Variants in SORCS3 observed in about 807,000 individuals in gnomAD.
SORCS3 encodes sortilin related VPS10 domain containing receptor 3, also known as VPS10 domain-containing receptor SorCS3.
In SORCS3, 57 loss-of-function variants were observed where a neutral mutation model predicts 146.3. The ratio of observed to expected loss-of-function variants is 0.39; its 90% CI spans 0.31 to 0.49. The LOEUF is 0.49. Ranked by LOEUF, SORCS3 falls within the 20% of genes least tolerant of loss-of-function variation. SORCS3 has a pLI of 0.92. For synonymous variants in SORCS3, 653 were observed against 618.5 expected (o/e 1.06, Z -0.83); for missense variants, 1,341 against 1,575.5 (o/e 0.85, Z 2.52).
chr10:104,983,777 C>T (rs2054945606), intron 4 of SORCS3, among the ~76,000 whole-genome samples: 1 of 151,958 alleles, frequency 6.6e-6, no homozygotes, highest in Admixed American at 6.6e-5. Context: ...GTCCCTATGA[C>T]CTTAAGCTCT....
intron 1 of SORCS3, among the ~76,000 whole-genome samples, chr10:104,690,438 A>G (rs1468067467): frequency 6.6e-6 from 1 of 152,214 alleles, no homozygotes; most frequent in Admixed American, 6.5e-5. Context: ...CATACTTTAC[A>G]GATGAGGAGA....
intron 1 of SORCS3, among the ~76,000 whole-genome samples, chr10:104,724,947 T>G (rs1045217613): frequency 2.0e-5 from 3 of 152,228 alleles, no homozygotes; most frequent in African/African-American, 7.2e-5. Flanking sequence ...CGGAGTAGTT[T>G]GATAATCTGA....
chr10:104,717,840 G>A (rs560943694), intron 1 of SORCS3, among the ~76,000 whole-genome samples: 53 of 151,944 alleles, frequency 3.5e-4, no homozygotes, highest in Non-Finnish European at 5.6e-4. Context: ...TTATAAATAA[G>A]CAAAAAAAAG....
At chr10:104,748,939 GAATCCAGTT>G (rs971314372) in intron 1 of SORCS3, among the ~76,000 whole-genome samples, 2 of 152,144 alleles carry the variant, frequency 1.3e-5, no homozygotes, top group Non-Finnish European at 2.9e-5. Context: ...CCAGAAGAGG[GAATCCAGTT>G]TTCCCAGCTG....
intron 14 of SORCS3, among the ~76,000 whole-genome samples, chr10:105,182,321 G>A (rs1398314576): frequency 6.9e-6 from 1 of 144,824 alleles, no homozygotes; most frequent in East Asian, 2.1e-4. Flanking sequence ...AACTCTGGAA[G>A]GTAGATAGGA....
intron 5 of SORCS3, among the ~76,000 whole-genome samples, chr10:105,045,403 C>G (rs534052838): frequency 6.6e-6 from 1 of 152,192 alleles, no homozygotes; most frequent in South Asian, 2.1e-4. Context: ...GCTGAATAGT[C>G]AAGTGGTAGT....
At chr10:104,923,981 A>T (rs998281976) in intron 3 of SORCS3, among the ~76,000 whole-genome samples, 1 of 152,226 alleles carries the variant, frequency 6.6e-6, no homozygotes, top group Non-Finnish European at 1.5e-5. Context: ...TAACTCATTT[A>T]ATACTTCAAC....
Position 104,763,363 on chromosome 10 carries a change from T to A in SORCS3, c.628-79429T>A, listed in dbSNP as rs1015762347. 7.2e-5 allele frequency among the ~76,000 whole-genome samples: 11 copies of A among 152,234 alleles called. No homozygotes were observed. In the East Asian group the frequency reaches 9.6e-4, roughly 13 times the overall value. On this transcript the variant is annotated intron_variant, in intron 1 of 26. Coordinates refer to ENST00000369701, the MANE Select transcript of SORCS3 (RefSeq NM_014978.3). ...GTACATTTTCATGAAGCAAGCTATT[T>A]TTTCCTCTTTGTGAGAAGATTTAGT...
intron 4 of SORCS3, among the ~76,000 whole-genome samples, chr10:104,997,276 G>A (rs1444532323): frequency 2.6e-5 from 4 of 152,130 alleles, no homozygotes; most frequent in Admixed American, 2.6e-4. Flanking sequence ...AAGTAACAAA[G>A]GCTATTTCAG....
chr10:104,721,414 G>A (rs2016546469), intron 1 of SORCS3, among the ~76,000 whole-genome samples: 1 of 152,218 alleles, frequency 6.6e-6, no homozygotes, highest in South Asian at 2.1e-4. Context: ...GTAGCCTGAT[G>A]CGACCGGCTT....
intron 1 of SORCS3, among the ~76,000 whole-genome samples, chr10:104,654,358 T>C (rs2015599151): frequency 6.6e-6 from 1 of 152,232 alleles, no homozygotes; most frequent in African/African-American, 2.4e-5. Context: ...CCTCTATTTT[T>C]AGTTTTTTGA....
intron 4 of SORCS3, among the ~76,000 whole-genome samples, chr10:104,987,588 T>C (rs1458127528): frequency 6.6e-6 from 1 of 152,162 alleles, no homozygotes; most frequent in East Asian, 1.9e-4. Flanking sequence ...TCTCTTTTCT[T>C]CAGCGTTTTT....
chr10:104,994,560 A>G (rs2055012391), intron 4 of SORCS3, among the ~76,000 whole-genome samples: 1 of 152,200 alleles, frequency 6.6e-6, no homozygotes, highest in Non-Finnish European at 1.5e-5. Context: ...CAAATCCGTC[A>G]CCTTCAAAAG....
chr10:104,663,878 C>T (rs796985565), intron 1 of SORCS3, among the ~76,000 whole-genome samples: 2 of 152,190 alleles, frequency 1.3e-5, no homozygotes, highest in African/African-American at 4.8e-5. Flanking sequence ...TCTCTATCAT[C>T]CCCCATCCTT....
intron 14 of SORCS3, among the ~76,000 whole-genome samples, chr10:105,193,705 T>C (rs1292985553): frequency 6.6e-6 from 1 of 152,304 alleles, no homozygotes; most frequent in Non-Finnish European, 1.5e-5. Context: ...AGTGATTTGC[T>C]CAAGGTCACC....
chr10:105,024,753 T>C (rs566145099), intron 4 of SORCS3, among the ~76,000 whole-genome samples: 34 of 152,312 alleles, frequency 2.2e-4, no homozygotes, highest in African/African-American at 7.7e-4. Flanking sequence ...TTATTTTTTA[T>C]ATATAAATGT....
At chr10:104,692,023 C>T (rs1201625787) in intron 1 of SORCS3, among the ~76,000 whole-genome samples, 1 of 152,140 alleles carries the variant, frequency 6.6e-6, no homozygotes, top group Non-Finnish European at 1.5e-5. Context: ...AATGTGGACA[C>T]ATACAGGTAT....
intron 1 of SORCS3, among the ~76,000 whole-genome samples, chr10:104,828,594 C>T (rs2017965609): frequency 6.6e-6 from 1 of 152,040 alleles, no homozygotes; most frequent in African/African-American, 2.4e-5. Flanking sequence ...ACAAGGTGGG[C>T]ACATGCTGTT....
intron 1 of SORCS3, among the ~76,000 whole-genome samples, chr10:104,671,325 C>CATT (rs2015850103): frequency 6.2e-4 from 12 of 19,202 alleles, no homozygotes; most frequent in African/African-American, 2.3e-3. Context: ...CATTCTTTTC[C>CATT]TTTTTTTTTT....
Sources: allele counts gnomAD v4.1 joint callset (sites outside exome capture counted in the v4.1 genomes callset), GRCh38; gene constraint gnomAD v4.1.1; transcripts MANE v1.5; gene names NCBI Gene and HGNC (gene_info 2026-07-23, HGNC 2026-07-21).